Variants in NXPH1 observed in about 807,000 individuals in gnomAD.
The protein encoded by NXPH1 is neurexophilin 1.
A neutral mutation model predicts 23.7 loss-of-function variants in NXPH1; 5 were observed. The observed-to-expected ratio is 0.21, with a 90% CI of 0.11 to 0.44. The LOEUF (loss-of-function observed/expected upper bound fraction) is 0.44. NXPH1 is among the 20% of genes least tolerant of loss of function. The pLI is 0.99. For synonymous variants in NXPH1, 144 were observed against 122.2 expected (o/e 1.18, Z -1.18); for missense variants, 324 against 321.6 (o/e 1.01, Z -0.06).
At chr7:8,662,183 T>C (rs1289780444) in intron 2 of NXPH1, among the ~76,000 whole-genome samples, 2 of 55,780 alleles carry the variant, frequency 3.6e-5, no homozygotes, top group East Asian at 0.031. Context: ...TATATATATA[T>C]ATATATACAC....
At chr7:8,710,026 A>G (rs1192860446) in intron 2 of NXPH1, among the ~76,000 whole-genome samples, 2 of 152,234 alleles carry the variant, frequency 1.3e-5, no homozygotes, top group African/African-American at 4.8e-5. Context: ...GCATAAATTA[A>G]TCACTGCAGG....
intron 2 of NXPH1, among the ~76,000 whole-genome samples, chr7:8,734,073 G>A (rs181447459): frequency 1.3e-5 from 2 of 152,276 alleles, no homozygotes; most frequent in Non-Finnish European, 2.9e-5. Flanking sequence ...AAGGGGTCCA[G>A]TTTCTGTTTT....
chr7:8,660,969 T>A (rs900258982), intron 2 of NXPH1, among the ~76,000 whole-genome samples: 4 of 103,018 alleles, frequency 3.9e-5, no homozygotes, highest in African/African-American at 6.4e-5. Flanking sequence ...TTTTTTTTTT[T>A]AAAGTAAGTG....
In NXPH1 at chr7:8,688,361, T is replaced by TGA. The variant is rs1266144317; in HGVS notation, c.55-62647_55-62646insGA. On this transcript the variant is annotated intron_variant, in intron 2 of 2. Coordinates refer to ENST00000405863, the MANE Select transcript of NXPH1 (RefSeq NM_152745.3). ...GTAGTTAATTCAACATTGTAAATGT[T>TGA]ATCTTCTATTATTTAATGTCCTGTA... Among the ~76,000 whole-genome samples the TGA allele has an allele frequency of 2.6e-5, 4 of 152,344 alleles. No homozygotes were observed. The East Asian group carries it at 5.8e-4, about 22-fold the overall frequency.
intron 2 of NXPH1, among the ~76,000 whole-genome samples, chr7:8,534,887 G>A (rs1044126694): frequency 6.6e-6 from 1 of 152,052 alleles, no homozygotes; most frequent in African/African-American, 2.4e-5. Flanking sequence ...TTTATACACT[G>A]CATTTTTTTG....
At chr7:8,451,149 C>G (rs973167865) in intron 2 of NXPH1, among the ~76,000 whole-genome samples, 7 of 134,602 alleles carry the variant, frequency 5.2e-5, no homozygotes, top group East Asian at 2.3e-4. Context: ...GTTCCTTTTG[C>G]TTATTTTTTC....
rs147343571 is a variant in NXPH1 at position 8,621,154 on chromosome 7, TGA to T, written c.55-129852_55-129851del. On this transcript the variant is annotated intron_variant, in intron 2 of 2. Transcript: ENST00000405863. ...TTAATGTATATAACTAAATCTGATGTGAGTGTCACTGGAGTAGGTCAAAAGAG... is the reference window on the plus strand; with the variant it reads ...TTAATGTATATAACTAAATCTGATGTGTGTCACTGGAGTAGGTCAAAAGAG... Among the ~76,000 whole-genome samples the T allele has an allele frequency of 7.0e-3, 1,071 of 152,326 alleles. 11 individuals are homozygous for T. The highest frequency in any genetic ancestry group is 0.024 in the African/African-American group (1,002 of 41,584).
chr7:8,507,393 T>C (rs1045485489), intron 2 of NXPH1, among the ~76,000 whole-genome samples: 4 of 150,216 alleles, frequency 2.7e-5, no homozygotes, highest in African/African-American at 1.0e-4. Flanking sequence ...ATGGTGATAA[T>C]TTTAAGATGT....
intron 2 of NXPH1, among the ~76,000 whole-genome samples, chr7:8,663,590 AAGG>A (rs1265748125): frequency 6.6e-6 from 1 of 152,144 alleles, no homozygotes; most frequent in Non-Finnish European, 1.5e-5. Context: ...AAAATTGTTA[AAGG>A]TTTCTCAATT....
chr7:8,652,728 A>C (rs576430466), intron 2 of NXPH1, among the ~76,000 whole-genome samples: 17 of 152,218 alleles, frequency 1.1e-4, no homozygotes, highest in African/African-American at 3.1e-4. Flanking sequence ...TCATTATCAC[A>C]CAGGTATCTT....
At chr7:8,528,400 G>T (rs948829636) in intron 2 of NXPH1, among the ~76,000 whole-genome samples, 1 of 152,228 alleles carries the variant, frequency 6.6e-6, no homozygotes, top group Admixed American at 6.5e-5. Flanking sequence ...CATGACTTTG[G>T]TTTGCAGAAA....
At chr7:8,516,485 G>A (rs912698423) in intron 2 of NXPH1, among the ~76,000 whole-genome samples, 3 of 152,108 alleles carry the variant, frequency 2.0e-5, no homozygotes, top group African/African-American at 4.8e-5. Context: ...GAATTAAATT[G>A]TTTTGTATGA....
chr7:8,590,631 A>G (rs142595302), intron 2 of NXPH1, among the ~76,000 whole-genome samples: 441 of 152,188 alleles, frequency 2.9e-3, no homozygotes, highest in African/African-American at 0.01. Flanking sequence ...TGAAATTCAC[A>G]TTCTGCTATT....
At chr7:8,749,059 C>G (rs1015226384) in intron 2 of NXPH1, among the ~76,000 whole-genome samples, 1 of 152,182 alleles carries the variant, frequency 6.6e-6, no homozygotes, top group Admixed American at 6.5e-5. Flanking sequence ...TTTTTTTCCA[C>G]ATTCCAAGCA....
chr7:8,459,551 C>T (rs186933242), intron 2 of NXPH1, among the ~76,000 whole-genome samples: 1 of 152,208 alleles, frequency 6.6e-6, no homozygotes, highest in Non-Finnish European at 1.5e-5. Context: ...TGTACTCTGC[C>T]CTGCCATCTT....
intron 2 of NXPH1, among the ~76,000 whole-genome samples, chr7:8,733,684 G>C (rs760798526): frequency 6.6e-6 from 1 of 151,872 alleles, no homozygotes; most frequent in Non-Finnish European, 1.5e-5. Flanking sequence ...GTCTTCTTTC[G>C]AGAAGTGTCT....
At chr7:8,698,908 T>C (rs534790306) in intron 2 of NXPH1, among the ~76,000 whole-genome samples, 1 of 152,282 alleles carries the variant, frequency 6.6e-6, no homozygotes, top group South Asian at 2.1e-4. Flanking sequence ...CATTATACCA[T>C]TATATCAGGG....
intron 2 of NXPH1, among the ~76,000 whole-genome samples, chr7:8,570,896 C>T (rs1050799798): frequency 1.3e-5 from 2 of 151,714 alleles, no homozygotes; most frequent in Non-Finnish European, 2.9e-5. Flanking sequence ...AGAACAATAG[C>T]AGTATTGTGA....
At chr7:8,584,118 G>A (rs1178005696) in intron 2 of NXPH1, among the ~76,000 whole-genome samples, 1 of 152,160 alleles carries the variant, frequency 6.6e-6, no homozygotes, top group Non-Finnish European at 1.5e-5. Flanking sequence ...ACATTGGTGA[G>A]GTAAGTACTA....
Sources: allele counts gnomAD v4.1 joint callset (sites outside exome capture counted in the v4.1 genomes callset), GRCh38; gene constraint gnomAD v4.1.1; transcripts MANE v1.5; gene names NCBI Gene and HGNC (gene_info 2026-07-23, HGNC 2026-07-21).